The following ACSM2B variants were observed in gnomAD, a reference collection of about 807,000 sequenced individuals.
ACSM2B encodes acyl-CoA synthetase medium chain family member 2B.
In ACSM2B, 58 loss-of-function variants were observed where a neutral mutation model predicts 78.6. That is an observed-to-expected ratio of 0.74 (90% CI 0.60 to 0.92). ACSM2B has a LOEUF of 0.92. Among genes scored for constraint, ACSM2B ranks in the 40% least tolerant of loss-of-function variants. ACSM2B has a pLI of 0.00. For missense variants in ACSM2B, 688 were observed against 711.2 expected, an observed-to-expected ratio of 0.97 and a Z score of 0.37; for synonymous variants, 257 against 256.8, an observed-to-expected ratio of 1.00 and a Z score of -0.01.
intron 3 of ACSM2B, among the ~76,000 whole-genome samples, chr16:20,556,492 C>T (rs1485429887): frequency 1.3e-5 from 2 of 152,308 alleles, no homozygotes; most frequent in Non-Finnish European, 2.9e-5. Flanking sequence ...ATCCCAGCTA[C>T]TCAGGAGGCT....
chr16:20,550,259 G>GA (rs1205811305), intron 6 of ACSM2B, among the ~76,000 whole-genome samples: 4 of 152,076 alleles, frequency 2.6e-5, no homozygotes, highest in Admixed American at 2.0e-4. Flanking sequence ...AAAATGTCTA[G>GA]AAAAAATGAC....
At chr16:20,574,084 TC>T (rs2016176166) in intron 1 of ACSM2B, 1 of 152,096 alleles carries the variant, frequency 6.6e-6, no homozygotes, top group East Asian at 1.9e-4. Flanking sequence ...AGACAAACAC[TC>T]CCAGAGCGGC....
chr16:20,561,896 A>G (rs2015668122), intron 2 of ACSM2B, among the ~76,000 whole-genome samples: 1 of 114,018 alleles, frequency 8.8e-6, no homozygotes, highest in Non-Finnish European at 1.6e-5. Context: ...CCAGTGTGTG[A>G]TGTTCCCCTT....
At chr16:20,556,652 A>G (rs969102662) in intron 3 of ACSM2B, among the ~76,000 whole-genome samples, 1 of 152,158 alleles carries the variant, frequency 6.6e-6, no homozygotes, top group African/African-American at 2.4e-5. Context: ...AGGTTTCATT[A>G]TTTGTGAAGC....
intron 1 of ACSM2B, among the ~76,000 whole-genome samples, chr16:20,567,178 C>A (rs2015923829): frequency 1.6e-5 from 2 of 129,030 alleles, no homozygotes; most frequent in African/African-American, 2.9e-5. Context: ...ATATATAATA[C>A]TATTATAACA....
chr16:20,545,470 T>G (rs1026699810), intron 9 of ACSM2B, among the ~76,000 whole-genome samples: 1 of 152,180 alleles, frequency 6.6e-6, no homozygotes, highest in Non-Finnish European at 1.5e-5. Context: ...TTATTGAGAC[T>G]GGCCCAGATG....
chr16:20,553,833 G>C lies in ACSM2B; in HGVS notation c.684C>G (p.Pro228=), dbSNP rs1352260153. The change falls in exon 5 of 14, where the codon CCC becomes CCG. Residue 228 remains proline (P), a synonymous_variant. Coordinates refer to ENST00000329697, the MANE Select transcript of ACSM2B (RefSeq NM_001105069.2). ...TCGAGTAGGAATGTTCTGCCATCTT[G>C]GGAAGACCACTGGTCCCACTAGTGA... ...IYFTSGTSGL[P]KMAEHSYSSL... The C allele has an allele frequency of 6.2e-7, 1 of 1,613,362 alleles. No homozygotes were observed. Among genetic ancestry groups the C allele is most frequent in the Non-Finnish European group, 8.5e-7 (1 of 1,179,524 alleles).
chr16:20,543,413 C>A, intron 10 of ACSM2B, 151 bp from the exon 11 acceptor site: 4 of 1,471,196 alleles, frequency 2.7e-6, no homozygotes, highest in Non-Finnish European at 3.7e-6. Context: ...AACCAGCCAA[C>A]CCTAGGCCAC....
chr16:20,572,799 AT>A (rs1338649496), intron 1 of ACSM2B, among the ~76,000 whole-genome samples: 2 of 151,426 alleles, frequency 1.3e-5, no homozygotes, highest in Non-Finnish European at 2.9e-5. Flanking sequence ...TCTTTGTTGG[AT>A]TTGGCTAAGT....
chr16:20,554,145 ACTT>A (rs748861805), intron 4 of ACSM2B: 56 of 701,032 alleles, frequency 8.0e-5, no homozygotes, highest in Non-Finnish European at 1.3e-4. Context: ...ACCTTAAACT[ACTT>A]ATTTAACTTC....
rs766903487 is a variant in ACSM2B, at chr16:20,564,789, G to A, written c.57C>T (p.Ser19=). Residue 19 remains serine, a synonymous_variant, in exon 2 of 14, where the codon TCC becomes TCT. Transcript: ENST00000329697. The part of the protein sequence containing the change: ...GLCTLWGTQM[S]SRTLYINSRQ... Reference sequence around the variant, plus strand: ...TACTATTAATGTAGAGAGTGCGGCTGGACATCTGAGTACCCCACAGGGTGC... The same window carrying A: ...TACTATTAATGTAGAGAGTGCGGCTAGACATCTGAGTACCCCACAGGGTGC... The A allele has an allele frequency of 4.1e-5, 66 of 1,613,010 alleles. 1 individual carries two copies. In the Admixed American group the frequency reaches 1.0e-3, roughly 25 times the overall value.
At chr16:20,539,577 C>T (rs2014931866) in intron 13 of ACSM2B, among the ~76,000 whole-genome samples, 1 of 151,808 alleles carries the variant, frequency 6.6e-6, no homozygotes. Context: ...GCCACCCCTC[C>T]CTCTCAGTCC....
chr16:20,553,859 A>G lies in ACSM2B; in HGVS notation c.658T>C (p.Phe220Leu), dbSNP rs2015389673. ...TGSQEASAIY[F>L]TSGTSGLPKM... ...GGAAGACCACTGGTCCCACTAGTGA[A>G]GTAGATGGCAGATGCTTCCTGGCTT... is the stretch of plus-strand genomic sequence containing the variant. Residue 220 changes from phenylalanine to leucine, a missense_variant, in exon 5 of 14, where the codon TTC (phenylalanine) becomes CTC (leucine). Transcript: ENST00000329697. 3.7e-6 allele frequency: 6 copies of G among 1,613,960 alleles called. No individual in the cohort carries two copies. Among genetic ancestry groups the G allele is most frequent in the Non-Finnish European group, 4.2e-6 (5 of 1,179,880 alleles).
At chr16:20,568,618 T>C (rs985356634) in intron 1 of ACSM2B, among the ~76,000 whole-genome samples, 1 of 151,694 alleles carries the variant, frequency 6.6e-6, no homozygotes, top group Non-Finnish European at 1.5e-5. Flanking sequence ...ATGGTAGTTC[T>C]ACTTTTCGTT....
intron 12 of ACSM2B, 65 bp from the exon 13 acceptor site, chr16:20,540,838 T>C: frequency 6.3e-7 from 1 of 1,576,328 alleles, no homozygotes; most frequent in Non-Finnish European, 8.7e-7. Flanking sequence ...TGGAATAATG[T>C]GAAATTAGCA....
chr16:20,570,158 T>C (rs1327482203), intron 1 of ACSM2B, among the ~76,000 whole-genome samples: 1 of 151,872 alleles, frequency 6.6e-6, no homozygotes, highest in Non-Finnish European at 1.5e-5. Context: ...GGGAATGCTT[T>C]CAACTTTTCC....
chr16:20,545,756 G>C lies in ACSM2B; in HGVS notation c.1180-498C>G, dbSNP rs191396447. Among the ~76,000 whole-genome samples, 44 of 152,272 alleles carry C rather than the reference G, an allele frequency of 2.9e-4. 1 individual carries two copies. Among genetic ancestry groups the C allele is most frequent in the Admixed American group, 2.0e-3 (31 of 15,282 alleles). ...TAGCAAATGGTTATCATAGTGAATG[G>C]CATGGCAAGTAACTGGATATGACAC... On this transcript the variant is annotated intron_variant, in intron 9 of 13. Coordinates refer to ENST00000329697, the MANE Select transcript of ACSM2B (RefSeq NM_001105069.2).
At chr16:20,556,808 C>G (rs2015488046) in intron 3 of ACSM2B, among the ~76,000 whole-genome samples, 1 of 152,096 alleles carries the variant, frequency 6.6e-6, no homozygotes, top group South Asian at 2.1e-4. Flanking sequence ...AGACACAGAA[C>G]AGTAGACACA....
rs1567218157 is a variant in ACSM2B, at chr16:20,566,654, ATATAT to A, written c.-8-1806_-8-1802del. Among the ~76,000 whole-genome samples, 129 of 40,446 alleles carry A rather than the reference ATATAT, an allele frequency of 3.2e-3. 7 individuals are homozygous for A. Among genetic ancestry groups the A allele is most frequent in the East Asian group, 0.024 (6 of 248 alleles). 26.5% of individuals were successfully genotyped at this position (40,446 alleles called of 152,430 possible). A position where few individuals can be genotyped will look rare whatever the true frequency, so the allele number is the denominator to read the frequency against. On this transcript the variant is annotated intron_variant, in intron 1 of 13. Coordinates refer to ENST00000329697, the MANE Select transcript of ACSM2B (RefSeq NM_001105069.2). ...ATATAGTATATATATACTATACTATATATATGTATATATAGTATATACATATAGTA... is the reference window on the plus strand; with the variant it reads ...ATATAGTATATATATACTATACTATAGTATATATAGTATATACATATAGTA...
Sources: gnomAD v4.1 joint callset for allele counts (sites outside exome capture counted in the v4.1 genomes callset) on GRCh38, gnomAD v4.1.1 for gene constraint, MANE v1.5 for transcripts, NCBI Gene and HGNC (gene_info 2026-07-23, HGNC 2026-07-21) for gene names.